Variants in TRPM8 observed in about 807,000 individuals in gnomAD.
The protein encoded by TRPM8 is transient receptor potential cation channel subfamily M member 8.
Under a neutral mutation model 133.7 loss-of-function variants are expected in TRPM8, and 110 were observed. That is an observed-to-expected ratio of 0.82 (90% CI 0.70 to 0.96). TRPM8 has a LOEUF of 0.96. Among genes scored for constraint, TRPM8 ranks in the 40% least tolerant of loss-of-function variants. The pLI is 0.00. For missense variants in TRPM8, 1,291 were observed against 1,379.5 expected (o/e 0.94, Z 1.02); for synonymous variants, 535 against 532.3 (o/e 1.01, Z -0.07).
chr2:233,945,058 A>T (rs1691008766), intron 6 of TRPM8, among the ~76,000 whole-genome samples: 1 of 150,974 alleles, frequency 6.6e-6, no homozygotes, highest in African/African-American at 2.5e-5. Flanking sequence ...TATCACCAGC[A>T]AAACTCTGAA....
intron 17 of TRPM8, among the ~76,000 whole-genome samples, chr2:233,977,499 G>C (rs1559538341): frequency 6.6e-6 from 1 of 152,212 alleles, no homozygotes; most frequent in East Asian, 1.9e-4. Context: ...GGCTGGGGCA[G>C]TGCCTACCTG....
At chr2:234,002,574 C>G (rs1259458169) in intron 22 of TRPM8, among the ~76,000 whole-genome samples, 1 of 152,188 alleles carries the variant, frequency 6.6e-6, no homozygotes, top group African/African-American at 2.4e-5. Context: ...TGGAATTAGG[C>G]TTCTCAGATC....
intron 12 of TRPM8, among the ~76,000 whole-genome samples, chr2:233,961,539 C>T (rs114811478): frequency 0.014 from 2,180 of 151,908 alleles, 46 homozygotes; most frequent in African/African-American, 0.05. Context: ...CTCCTCTCCG[C>T]GTGATCTGTC....
intron 17 of TRPM8, among the ~76,000 whole-genome samples, chr2:233,978,944 C>T (rs553050407): frequency 6.6e-6 from 1 of 152,276 alleles, no homozygotes; most frequent in East Asian, 1.9e-4. Context: ...TCTTGAATCC[C>T]TTCCACATCT....
intron 21 of TRPM8, among the ~76,000 whole-genome samples, chr2:233,986,784 A>T (rs1338485284): frequency 6.6e-6 from 1 of 152,242 alleles, no homozygotes; most frequent in Admixed American, 6.5e-5. Context: ...TGAATTTATA[A>T]GAGAAAGACA....
intron 24 of TRPM8, among the ~76,000 whole-genome samples, chr2:234,008,826 T>C (rs1345218783): frequency 1.3e-5 from 2 of 152,216 alleles, no homozygotes; most frequent in African/African-American, 4.8e-5. Flanking sequence ...ATTGAATGAA[T>C]AAATGAACAA....
rs202225959 is a variant in TRPM8 at position 233,963,300 on chromosome 2, C to T, written c.1672C>T (p.Arg558Trp). 4.3e-6 allele frequency: 7 copies of T among 1,612,916 alleles called. No individual in the cohort carries two copies. The highest frequency in any genetic ancestry group is 1.3e-5 in the African/African-American group (1 of 74,982). Residue 558 changes from arginine to tryptophan, a missense_variant, in exon 13 of 26, where the codon CGG (arginine) becomes TGG (tryptophan). Physicochemically the swap from Arg to Trp is moderately radical, Grantham distance 101 (BLOSUM62 -3). Coordinates refer to ENST00000324695, the MANE Select transcript of TRPM8 (RefSeq NM_024080.5). ...IELHDVSPIT[R>W]HPLQALFIWA... ...CCCCCAGGACGTGTCTCCTATTACT[C>T]GGCACCCCCTGCAAGCTCTCTTCAT...
intron 5 of TRPM8, 65 bp from the exon 6 acceptor site, chr2:233,942,511 G>C (rs1690934651): frequency 6.4e-7 from 1 of 1,555,922 alleles, no homozygotes; most frequent in Non-Finnish European, 8.9e-7. Flanking sequence ...TTAGGGGTCT[G>C]TGAGCCCAGA....
chr2:233,991,406 C>T (rs73996642), intron 21 of TRPM8, among the ~76,000 whole-genome samples: 7,784 of 152,094 alleles, frequency 0.051, 477 homozygotes, highest in African/African-American at 0.14. Flanking sequence ...GAGAGGGGAA[C>T]CAGGATGTGT....
chr2:233,978,173 G>T (rs35875128), intron 17 of TRPM8, among the ~76,000 whole-genome samples: 1 of 149,216 alleles, frequency 6.7e-6, no homozygotes, highest in African/African-American at 2.5e-5. Context: ...GTGAACACAC[G>T]TATTTCACAG....
At chr2:233,942,358 A>G (rs112056898) in intron 5 of TRPM8, among the ~76,000 whole-genome samples, 3,632 of 152,226 alleles carry the variant, frequency 0.024, 127 homozygotes, top group East Asian at 0.15. Context: ...GATTATAGGC[A>G]AGAGCCACTG....
chr2:233,968,693 T>C (rs970475880), intron 15 of TRPM8, among the ~76,000 whole-genome samples: 4 of 151,976 alleles, frequency 2.6e-5, no homozygotes, highest in Admixed American at 2.6e-4. Flanking sequence ...TTTCCTCTGT[T>C]CCTGAGACAC....
At position 233,937,450 on chromosome 2, in the gene TRPM8, G is replaced by C. The variant is rs201373026; in HGVS notation, c.289G>C (p.Glu97Gln). 1 of 1,614,142 alleles carries C rather than the reference G, an allele frequency of 6.2e-7. No individual in the cohort carries two copies. Among genetic ancestry groups the C allele is most frequent in the Admixed American group, 1.7e-5 (1 of 60,016 alleles). ...EKWNYKKHTK[E>Q]FPTDAFGDIQ... The stretch of plus-strand genomic sequence containing the variant: ...ATGGAACTACAAGAAACACACCAAG[G>C]AATTTCCTACCGACGCCTTTGGGGA... The change falls in exon 4 of 26, where the codon GAA becomes CAA. Residue 97 changes from glutamate (E) to glutamine (Q), a missense_variant. Physicochemically the swap from Glu to Gln is conservative, Grantham distance 29. Coordinates refer to ENST00000324695, the MANE Select transcript of TRPM8 (RefSeq NM_024080.5).
rs201477663 is a variant in TRPM8, at chr2:233,983,199, C to T, written c.2736C>T (p.Phe912=). Reference sequence around the variant, plus strand: ...TCTACGAGCCCTACCTGGCCATGTTCGGCCAGGTGCCCAGTGACGTGGATG... The same window carrying T: ...TCTACGAGCCCTACCTGGCCATGTTTGGCCAGGTGCCCAGTGACGTGGATG... ...SVIYEPYLAM[F]GQVPSDVDGT... Residue 912 remains phenylalanine, a synonymous_variant, in exon 20 of 26, where the codon TTC becomes TTT. Coordinates refer to ENST00000324695, the MANE Select transcript of TRPM8 (RefSeq NM_024080.5). 84 of 1,614,126 alleles carry T rather than the reference C, an allele frequency of 5.2e-5. No individual in the cohort carries two copies. The highest frequency in any genetic ancestry group is 4.2e-4 in the South Asian group (38 of 91,050).
chr2:233,951,232 C>CA (rs1691166033), intron 9 of TRPM8, among the ~76,000 whole-genome samples: 2 of 151,672 alleles, frequency 1.3e-5, no homozygotes, highest in Admixed American at 1.3e-4. Context: ...CCCATCTCAG[C>CA]AAAAAAACAA....
chr2:233,924,337 C>T (rs1404901328), intron 1 of TRPM8, among the ~76,000 whole-genome samples: 2 of 152,162 alleles, frequency 1.3e-5, no homozygotes, highest in African/African-American at 2.4e-5. Context: ...CTGCCTTTCC[C>T]GTTCTATCTC....
At chr2:234,008,038 G>T in intron 23 of TRPM8, 32 bp from the exon 24 acceptor site, 3 of 1,603,972 alleles carry the variant, frequency 1.9e-6, no homozygotes, top group Non-Finnish European at 2.5e-6. Context: ...TTTTTCTCTT[G>T]TTCACTTTCT....
At chr2:233,995,748 G>A (rs1195543537) in intron 21 of TRPM8, among the ~76,000 whole-genome samples, 2 of 151,938 alleles carry the variant, frequency 1.3e-5, no homozygotes, top group African/African-American at 2.4e-5. Flanking sequence ...GGGGGTGGGG[G>A]CAGCTGTTAC....
chr2:233,973,595 T>A (rs1691789428), intron 17 of TRPM8, among the ~76,000 whole-genome samples: 1 of 152,236 alleles, frequency 6.6e-6, no homozygotes. Context: ...TGCCCCTGTT[T>A]CCAAACAATG....
Sources: allele counts gnomAD v4.1 joint callset (sites outside exome capture counted in the v4.1 genomes callset), GRCh38; gene constraint gnomAD v4.1.1; transcripts MANE v1.5; gene names NCBI Gene and HGNC (gene_info 2026-07-23, HGNC 2026-07-21).